The following CCDC178 variants were observed in gnomAD, a reference collection of about 807,000 sequenced individuals.
CCDC178 encodes coiled-coil domain-containing protein 178.
CCDC178 carries 126 observed loss-of-function variants against 117.4 expected under a neutral mutation model. The observed-to-expected ratio is 1.07, with a 90% CI of 0.93 to 1.24. The LOEUF is 1.24. Ranked by LOEUF, CCDC178 falls within the 50% of genes most tolerant of loss-of-function variation. The probability of loss-of-function intolerance (pLI) is 0.00; values close to 1 mark genes in which losing one functional copy is unlikely to be tolerated. For synonymous variants in CCDC178, 283 were observed against 313.4 expected (o/e 0.90, Z 1.02); for missense variants, 1,030 against 986.9 (o/e 1.04, Z -0.59).
intron 3 of CCDC178, among the ~76,000 whole-genome samples, chr18:33,398,578 T>C (rs987509162): frequency 6.6e-5 from 10 of 152,176 alleles, no homozygotes; most frequent in African/African-American, 2.4e-4. Flanking sequence ...AGTATATCTA[T>C]TTATAGCCTC....
intron 9 of CCDC178, among the ~76,000 whole-genome samples, chr18:33,340,595 G>T (rs1212631614): frequency 6.6e-6 from 1 of 152,128 alleles, no homozygotes; most frequent in East Asian, 1.9e-4. Flanking sequence ...GCCAGGCCCA[G>T]GGTCCCCATG....
At chr18:33,054,243 GTCA>G (rs2056791233) in intron 21 of CCDC178, among the ~76,000 whole-genome samples, 2 of 152,192 alleles carry the variant, frequency 1.3e-5, no homozygotes, top group South Asian at 4.1e-4. Flanking sequence ...AAATATGACA[GTCA>G]TTACACATTT....
At chr18:33,296,403 A>T (rs1238223964) in intron 11 of CCDC178, among the ~76,000 whole-genome samples, 2 of 152,026 alleles carry the variant, frequency 1.3e-5, no homozygotes, top group Non-Finnish European at 2.9e-5. Flanking sequence ...ACACACACAC[A>T]TACATACATG....
At chr18:33,346,965 T>C (rs528097044) in intron 8 of CCDC178, among the ~76,000 whole-genome samples, 2 of 152,298 alleles carry the variant, frequency 1.3e-5, no homozygotes, top group African/African-American at 2.4e-5. Context: ...TGAGAGATAT[T>C]TGTGATTCCT....
At chr18:33,229,831 G>T (rs1377101098) in intron 15 of CCDC178, among the ~76,000 whole-genome samples, 3 of 152,162 alleles carry the variant, frequency 2.0e-5, no homozygotes, top group Non-Finnish European at 4.4e-5. Context: ...GACTTTGGGT[G>T]AAAGGGTTCC....
intron 11 of CCDC178, among the ~76,000 whole-genome samples, chr18:33,305,600 T>C (rs1247892754): frequency 6.6e-6 from 1 of 152,190 alleles, no homozygotes; most frequent in Non-Finnish European, 1.5e-5. Context: ...AGTACGTCTT[T>C]TGTGTATGAA....
Position 33,143,716 on chromosome 18 carries a change from A to G in CCDC178, c.2239-50806T>C, listed in dbSNP as rs559062427. Among the ~76,000 whole-genome samples, 27 of 152,228 alleles carry G rather than the reference A, an allele frequency of 1.8e-4. 1 individual carries two copies. In the East Asian group the frequency reaches 4.8e-3, roughly 27 times the overall value. The stretch of plus-strand genomic sequence containing the variant: ...TTTCAGCAAAGTAGCAGGCTTGTGG[A>G]ATATTAGTGTAAAAGTTTCATTCTT... On this transcript the variant is annotated intron_variant, in intron 20 of 22. Coordinates refer to ENST00000383096, the MANE Select transcript of CCDC178 (RefSeq NM_001105528.4).
chr18:33,202,640 G>A (rs2059005352), intron 20 of CCDC178, among the ~76,000 whole-genome samples: 1 of 151,990 alleles, frequency 6.6e-6, no homozygotes, highest in Non-Finnish European at 1.5e-5. Flanking sequence ...CTTCTCTGAC[G>A]ACCAAATCAC....
At chr18:33,072,336 C>T (rs1361053108) in intron 21 of CCDC178, among the ~76,000 whole-genome samples, 1 of 151,964 alleles carries the variant, frequency 6.6e-6, no homozygotes, top group Non-Finnish European at 1.5e-5. Context: ...TAAAATAAAT[C>T]GAAGAGAGTC....
chr18:33,374,946 G>A (rs945930236), intron 5 of CCDC178, among the ~76,000 whole-genome samples: 4 of 152,148 alleles, frequency 2.6e-5, no homozygotes, highest in African/African-American at 9.7e-5. Flanking sequence ...GGAGTTGTGG[G>A]AGTGAGTTAA....
At position 33,245,286 on chromosome 18, in the gene CCDC178, C is replaced by T; in HGVS notation, c.1552G>A (p.Glu518Lys). The T allele has an allele frequency of 3.1e-6, 5 of 1,598,034 alleles. 1 individual carries two copies. In the South Asian group the frequency reaches 5.8e-5, roughly 18 times the overall value. The change falls in exon 15 of 23, where the codon GAA (glutamate) becomes AAA (lysine). Residue 518 changes from glutamate to lysine, a missense_variant. Physicochemically the swap from Glu to Lys is moderately conservative, Grantham distance 56. Transcript: ENST00000383096. ...LFHLTKHKTD[E>K]MEDKIAEVRR... is the part of the protein sequence containing the mutation. Reference sequence around the variant, plus strand: ...ACTTCTGCTATTTTATCTTCCATTTCATCTGTCTTGTGTTTGGTTAGGTGG... The same window carrying T: ...ACTTCTGCTATTTTATCTTCCATTTTATCTGTCTTGTGTTTGGTTAGGTGG...
intron 20 of CCDC178, among the ~76,000 whole-genome samples, chr18:33,147,855 T>C (rs2144327406): frequency 6.6e-6 from 1 of 152,318 alleles, no homozygotes; most frequent in Admixed American, 6.5e-5. Context: ...ATTGTCATCA[T>C]GGCCCGTTCT....
At chr18:33,160,112 T>G (rs1372536760) in intron 20 of CCDC178, among the ~76,000 whole-genome samples, 1 of 152,118 alleles carries the variant, frequency 6.6e-6, no homozygotes, top group Non-Finnish European at 1.5e-5. Context: ...TCAGGAAAGC[T>G]ACTTACTTCC....
intron 21 of CCDC178, among the ~76,000 whole-genome samples, chr18:33,059,704 C>A (rs941788000): frequency 4.0e-5 from 6 of 151,864 alleles, no homozygotes; most frequent in Admixed American, 6.6e-5. Flanking sequence ...CTGTCAGTAC[C>A]TTTAACCTGA....
At chr18:33,385,111 G>C (rs1006789744) in intron 5 of CCDC178, among the ~76,000 whole-genome samples, 18 of 152,170 alleles carry the variant, frequency 1.2e-4, no homozygotes, top group African/African-American at 4.3e-4. Flanking sequence ...GGTCAAAACA[G>C]ACAAAGAAGG....
intron 7 of CCDC178, among the ~76,000 whole-genome samples, chr18:33,351,066 G>C (rs183312144): frequency 6.6e-6 from 1 of 151,438 alleles, no homozygotes; most frequent in East Asian, 1.9e-4. Context: ...TTTTACTAAA[G>C]GTGTGGGCTT....
intron 2 of CCDC178, among the ~76,000 whole-genome samples, chr18:33,437,013 C>T (rs948053019): frequency 6.6e-6 from 1 of 152,092 alleles, no homozygotes; most frequent in African/African-American, 2.4e-5. Context: ...ATCCTTTGCC[C>T]GTTATAAAGT....
intron 21 of CCDC178, among the ~76,000 whole-genome samples, chr18:32,996,871 A>C (rs2055521894): frequency 6.6e-6 from 1 of 152,202 alleles, no homozygotes; most frequent in Admixed American, 6.5e-5. Flanking sequence ...TAAATCAATA[A>C]GAAAAAAGAA....
At chr18:33,146,089 C>G (rs956086465) in intron 20 of CCDC178, among the ~76,000 whole-genome samples, 2 of 152,264 alleles carry the variant, frequency 1.3e-5, no homozygotes, top group African/African-American at 4.8e-5. Flanking sequence ...ATAACTTATA[C>G]TAAAGATCAA....
Sources: allele counts gnomAD v4.1 joint callset (sites outside exome capture counted in the v4.1 genomes callset), GRCh38; gene constraint gnomAD v4.1.1; transcripts MANE v1.5; gene names NCBI Gene and HGNC (gene_info 2026-07-23, HGNC 2026-07-21).